Variants in INPP4B observed in about 807,000 individuals in gnomAD.
INPP4B encodes the protein inositol polyphosphate 4-phosphatase type II.
Under a neutral mutation model 122.5 loss-of-function variants are expected in INPP4B, and 55 were observed. That is an observed-to-expected ratio of 0.45 (90% confidence interval 0.36 to 0.56). The LOEUF (loss-of-function observed/expected upper bound fraction) is 0.56. Among genes scored for constraint, INPP4B ranks in the 20% least tolerant of loss-of-function variants. INPP4B has a pLI of 0.00. For synonymous variants in INPP4B, 403 were observed against 388.7 expected (o/e 1.04, Z -0.43); for missense variants, 1,000 against 1,097.7 (o/e 0.91, Z 1.26).
intron 7 of INPP4B, among the ~76,000 whole-genome samples, chr4:142,358,951 A>G (rs1784513496): frequency 6.6e-6 from 1 of 151,986 alleles, no homozygotes; most frequent in Non-Finnish European, 1.5e-5. Context: ...GTGGCAAGTC[A>G]TCTTGCTGTT....
intron 11 of INPP4B, among the ~76,000 whole-genome samples, chr4:142,246,061 G>GTGTGTGTATACACACACATATATATA (rs1398885928): frequency 3.5e-5 from 1 of 28,602 alleles, no homozygotes; most frequent in African/African-American, 9.8e-5. Context: ...TTATATATAT[G>GTGTGTGTATACACACACATATATATA]TGTGTGTGTA....
intron 23 of INPP4B, among the ~76,000 whole-genome samples, 192 bp from the exon 24 acceptor site, chr4:142,086,448 G>A (rs527256239): frequency 2.1e-4 from 32 of 152,218 alleles, no homozygotes; most frequent in Admixed American, 3.3e-4. Flanking sequence ...CAATTTCCCA[G>A]ACTCAAGTGA....
chr4:142,758,889 G>T (rs1770888792), intron 1 of INPP4B, among the ~76,000 whole-genome samples: 1 of 150,760 alleles, frequency 6.6e-6, no homozygotes, highest in Non-Finnish European at 1.5e-5. Flanking sequence ...GATGGTGGAA[G>T]TTGCAGGGAG....
At position 142,563,298 on chromosome 4, in the gene INPP4B, T is replaced by C. The variant is rs148606272; in HGVS notation, c.-190-100572A>G. 3.3e-5 allele frequency among the ~76,000 whole-genome samples: 5 copies of C among 152,294 alleles called. No individual in the cohort carries two copies. The East Asian group carries it at 7.7e-4, about 24-fold the overall frequency. On this transcript the variant is annotated intron_variant, in intron 2 of 25. Coordinates refer to ENST00000262992, the MANE Select transcript of INPP4B (RefSeq NM_001101669.3). ...CTGTGTTTGAGAGTGTTGGCTTCAT[T>C]TTAAGATGTAACTAAATCCAAGTAT...
chr4:142,068,939 C>A (rs1043433458), intron 25 of INPP4B, among the ~76,000 whole-genome samples: 16 of 151,496 alleles, frequency 1.1e-4, no homozygotes, highest in African/African-American at 3.4e-4. Context: ...AGAAAGTTAA[C>A]AAGGATATCC....
intron 1 of INPP4B, among the ~76,000 whole-genome samples, chr4:142,807,023 G>C (rs1434760154): frequency 2.0e-5 from 3 of 152,144 alleles, no homozygotes; most frequent in Non-Finnish European, 4.4e-5. Flanking sequence ...TTTGCTACAT[G>C]ATTGTGATGT....
At chr4:142,806,761 A>T (rs948597787) in intron 1 of INPP4B, among the ~76,000 whole-genome samples, 4 of 121,124 alleles carry the variant, frequency 3.3e-5, no homozygotes, top group African/African-American at 1.4e-4. Context: ...GAAGAAGAAG[A>T]AAGAAGAAAG....
intron 23 of INPP4B, among the ~76,000 whole-genome samples, chr4:142,095,766 T>C (rs1353738808): frequency 6.6e-6 from 1 of 152,126 alleles, no homozygotes; most frequent in African/African-American, 2.4e-5. Context: ...AGGGATGAAA[T>C]TTGGTTCAAA....
intron 7 of INPP4B, among the ~76,000 whole-genome samples, chr4:142,377,152 A>T (rs532193465): frequency 7.9e-5 from 12 of 151,990 alleles, no homozygotes; most frequent in South Asian, 2.1e-4. Context: ...GAAAAAAAAA[A>T]TTTTTAAAAC....
chr4:142,325,016 C>T (rs1199923204), intron 7 of INPP4B, among the ~76,000 whole-genome samples: 3 of 152,210 alleles, frequency 2.0e-5, no homozygotes, highest in African/African-American at 7.2e-5. Flanking sequence ...TACCCCTAGA[C>T]AAAAATCATG....
At chr4:142,331,055 G>T (rs987862220) in intron 7 of INPP4B, among the ~76,000 whole-genome samples, 3 of 152,078 alleles carry the variant, frequency 2.0e-5, no homozygotes, top group African/African-American at 7.2e-5. Context: ...AGATAATGTT[G>T]CTCTTTATTT....
At chr4:142,202,527 T>C (rs1401460213) in intron 14 of INPP4B, among the ~76,000 whole-genome samples, 6 of 152,072 alleles carry the variant, frequency 3.9e-5, no homozygotes, top group Admixed American at 2.6e-4. Context: ...ACTCTCACAT[T>C]CTTGAGATAC....
chr4:142,259,064 T>G (rs1384609170), intron 11 of INPP4B, among the ~76,000 whole-genome samples: 1 of 151,814 alleles, frequency 6.6e-6, no homozygotes, highest in African/African-American at 2.4e-5. Flanking sequence ...GGGACATGCA[T>G]GAAATTGGAA....
intron 7 of INPP4B, among the ~76,000 whole-genome samples, chr4:142,326,143 T>C (rs2151475972): frequency 6.6e-6 from 1 of 152,312 alleles, no homozygotes; most frequent in East Asian, 1.9e-4. Flanking sequence ...AAATGAACAG[T>C]AGGCTGGGAC....
At chr4:142,681,656 A>G (rs1758637967) in intron 2 of INPP4B, among the ~76,000 whole-genome samples, 1 of 151,896 alleles carries the variant, frequency 6.6e-6, no homozygotes, top group Non-Finnish European at 1.5e-5. Context: ...AAGGTTTTCA[A>G]GGTAGTGGAT....
At chr4:142,826,242 A>C (rs1781442531) in intron 1 of INPP4B, among the ~76,000 whole-genome samples, 1 of 152,122 alleles carries the variant, frequency 6.6e-6, no homozygotes. Context: ...TTGTAAATTT[A>C]TTTGGCTGCA....
chr4:142,422,097 T>G (rs1237183113), intron 5 of INPP4B, among the ~76,000 whole-genome samples: 1 of 152,000 alleles, frequency 6.6e-6, no homozygotes, highest in Non-Finnish European at 1.5e-5. Context: ...GTAATGATAA[T>G]ATGGGAGAGA....
chr4:142,433,360 C>T (rs1387138395), intron 3 of INPP4B, among the ~76,000 whole-genome samples: 1 of 152,108 alleles, frequency 6.6e-6, no homozygotes, highest in Non-Finnish European at 1.5e-5. Flanking sequence ...CATATTTCTA[C>T]TCAGGCCAGT....
At chr4:142,264,207 A>G (rs958697801) in intron 10 of INPP4B, among the ~76,000 whole-genome samples, 4 of 152,150 alleles carry the variant, frequency 2.6e-5, no homozygotes, top group African/African-American at 9.7e-5. Context: ...AAAAGGAAAA[A>G]ATCAGGGAGA....
Sources: gnomAD v4.1 joint callset for allele counts (sites outside exome capture counted in the v4.1 genomes callset) on GRCh38, gnomAD v4.1.1 for gene constraint, MANE v1.5 for transcripts, NCBI Gene and HGNC (gene_info 2026-07-23, HGNC 2026-07-21) for gene names.